PLB1: variants seen among roughly 807,000 people sequenced by gnomAD.
PLB1 encodes phospholipase B1, membrane-associated.
Under a neutral mutation model 227.4 loss-of-function variants are expected in PLB1, and 242 were observed. The ratio of observed to expected loss-of-function variants is 1.06; its 90% CI spans 0.96 to 1.18. PLB1 has a LOEUF of 1.18. Among genes scored for constraint, PLB1 ranks in the 50% most tolerant of loss-of-function variants. PLB1 has a pLI of 0.00. For synonymous variants in PLB1, 757 were observed against 682.2 expected (o/e 1.11, Z -1.71); for missense variants, 1,858 against 1,816.3 (o/e 1.02, Z -0.42).
At chr2:28,522,281 C>CT (rs915085899) in intron 4 of PLB1, among the ~76,000 whole-genome samples, 1 of 152,040 alleles carries the variant, frequency 6.6e-6, no homozygotes, top group African/African-American at 2.4e-5. Flanking sequence ...GAGGTATAGA[C>CT]TGAACCTTAG....
chr2:28,629,970 C>T (rs1335705015), intron 53 of PLB1, among the ~76,000 whole-genome samples: 1 of 152,196 alleles, frequency 6.6e-6, no homozygotes, highest in Non-Finnish European at 1.5e-5. Context: ...CAAAGGTGAC[C>T]AGCTGGTTCC....
chr2:28,519,358 G>A (rs1572708825), intron 3 of PLB1, among the ~76,000 whole-genome samples: 1 of 152,200 alleles, frequency 6.6e-6, no homozygotes, highest in East Asian at 1.9e-4. Context: ...ATTCGTGGTG[G>A]CCCAGAAATG....
intron 17 of PLB1, among the ~76,000 whole-genome samples, chr2:28,555,496 G>A (rs1248681841): frequency 6.6e-6 from 1 of 152,112 alleles, no homozygotes; most frequent in East Asian, 1.9e-4. Context: ...TGATGGGGTA[G>A]GTAAAAAGAC....
intron 25 of PLB1, among the ~76,000 whole-genome samples, chr2:28,585,033 A>G (rs1558833717): frequency 6.6e-6 from 1 of 152,224 alleles, no homozygotes; most frequent in Non-Finnish European, 1.5e-5. Flanking sequence ...GTTAATACCC[A>G]TAAAGTTTTT....
intron 32 of PLB1, 158 bp downstream of exon 32, chr2:28,592,877 C>T (rs900490703): frequency 9.4e-6 from 6 of 639,608 alleles, no homozygotes; most frequent in African/African-American, 5.6e-5. Flanking sequence ...TGATTTGCGG[C>T]CACTTTCTCA....
chr2:28,582,455 G>C lies in PLB1; in HGVS notation c.1683G>C (p.Leu561=). Residue 561 remains leucine (L), a synonymous_variant, in exon 25 of 58, where the codon CTG becomes CTC. Transcript: ENST00000327757. ...NLVTVLEIVN[L]RELYQEKKVY... is the part of the protein sequence containing the mutation. ...TGACGGTGCTTGAGATCGTCAACCT[G>C]AGGGAGCTGTACCAGGAGAAAAAAG... 3 of 1,613,172 alleles carry C rather than the reference G, an allele frequency of 1.9e-6. No homozygotes were observed. The highest frequency in any genetic ancestry group is 2.2e-5 in the South Asian group (2 of 90,716).
intron 42 of PLB1, 57 bp from the exon 43 acceptor site, chr2:28,606,439 T>G: frequency 6.6e-7 from 1 of 1,522,398 alleles, no homozygotes; most frequent in Non-Finnish European, 9.1e-7. Flanking sequence ...CCAGGGAATG[T>G]TCACTTCCAT....
At chr2:28,642,807 A>G in intron 57 of PLB1, 51 bp from the exon 58 acceptor site, 1 of 1,476,666 alleles carries the variant, frequency 6.8e-7, no homozygotes, top group Non-Finnish European at 9.2e-7. Context: ...TGGCTTGGTG[A>G]TGGATGGTTC....
chr2:28,591,049 T>C, intron 29 of PLB1, 84 bp from the exon 30 acceptor site: 1 of 1,558,770 alleles, frequency 6.4e-7, no homozygotes, highest in Non-Finnish European at 8.8e-7. Flanking sequence ...CAGCTGTTTG[T>C]GCCAGGCCGA....
intron 43 of PLB1, among the ~76,000 whole-genome samples, chr2:28,612,165 A>G (rs1685546649): frequency 6.6e-6 from 1 of 152,114 alleles, no homozygotes; most frequent in Non-Finnish European, 1.5e-5. Context: ...AGCAAGAAAG[A>G]AAGGATATCG....
chr2:28,511,108 G>A (rs1668207717), intron 1 of PLB1, among the ~76,000 whole-genome samples: 1 of 152,080 alleles, frequency 6.6e-6, no homozygotes, highest in African/African-American at 2.4e-5. Flanking sequence ...TTTACCACTT[G>A]ATAAGGGGAA....
chr2:28,547,969 T>C (rs1673560200), intron 14 of PLB1, among the ~76,000 whole-genome samples: 1 of 152,250 alleles, frequency 6.6e-6, no homozygotes, highest in Non-Finnish European at 1.5e-5. Flanking sequence ...ATAAATGTTT[T>C]ATCTACGTTA....
intron 49 of PLB1, among the ~76,000 whole-genome samples, chr2:28,622,053 G>T (rs6704973): frequency 0.49 from 74,395 of 152,080 alleles, 19,568 homozygotes; most frequent in East Asian, 0.89. Context: ...TGAGAACATG[G>T]GGCTCCTTGT....
intron 57 of PLB1, among the ~76,000 whole-genome samples, chr2:28,641,482 C>T (rs1689970650): frequency 6.6e-6 from 1 of 152,158 alleles, no homozygotes; most frequent in Admixed American, 6.5e-5. Flanking sequence ...GTGGCGGGCG[C>T]CTGTCATCCC....
rs562448528 is a variant in PLB1 at position 28,607,312 on chromosome 2, G to A, written c.3129+745G>A. Among the ~76,000 whole-genome samples, 9 of 152,204 alleles carry A rather than the reference G, an allele frequency of 5.9e-5. No individual in the cohort carries two copies. The East Asian group carries it at 1.5e-3, about 26-fold the overall frequency. On this transcript the variant is annotated intron_variant, in intron 43 of 57. Transcript: ENST00000327757. Reference sequence around the variant, plus strand: ...GGAGGCTGGGTTTCCCTCCTAGGTCGGCCACACCACCCTCTCCCACCCTCC... The same window carrying A: ...GGAGGCTGGGTTTCCCTCCTAGGTCAGCCACACCACCCTCTCCCACCCTCC...
rs772258642 is a variant in PLB1, at chr2:28,539,092, C to T, written c.619-7C>T. 2 of 1,610,480 alleles carry T rather than the reference C, an allele frequency of 1.2e-6. No homozygotes were observed. Among genetic ancestry groups the T allele is most frequent in the Admixed American group, 3.3e-5 (2 of 60,028 alleles). Reference sequence around the variant, plus strand: ...ATACTCACCTCCCTCTCTGTGTGTCCTCCTAGGTCCCCAGAGCATTTGTAA... The same window carrying T: ...ATACTCACCTCCCTCTCTGTGTGTCTTCCTAGGTCCCCAGAGCATTTGTAA... On this transcript the variant is annotated splice_polypyrimidine_tract_variant and splice_region_variant and intron_variant, in intron 10 of 57. Coordinates refer to ENST00000327757, the MANE Select transcript of PLB1 (RefSeq NM_153021.5).
intron 40 of PLB1, 103 bp downstream of exon 40, chr2:28,604,150 C>T (rs1684317433): frequency 3.4e-6 from 4 of 1,173,442 alleles, no homozygotes; most frequent in Admixed American, 3.8e-5. Flanking sequence ...AAAAGCTGGT[C>T]AGGGATTGTG....
At chr2:28,563,467 C>T (rs1676366848) in intron 18 of PLB1, among the ~76,000 whole-genome samples, 1 of 148,496 alleles carries the variant, frequency 6.7e-6, no homozygotes, top group Admixed American at 6.7e-5. Flanking sequence ...AGAACTCCTC[C>T]AAGGATCCAG....
chr2:28,558,577 A>G (rs1391195408), intron 17 of PLB1, among the ~76,000 whole-genome samples: 2 of 152,086 alleles, frequency 1.3e-5, no homozygotes, highest in Non-Finnish European at 2.9e-5. Flanking sequence ...GTGATTTGCT[A>G]TTGTTCTTCT....
Sources: allele counts gnomAD v4.1 joint callset (sites outside exome capture counted in the v4.1 genomes callset), GRCh38; gene constraint gnomAD v4.1.1; transcripts MANE v1.5; gene names NCBI Gene and HGNC (gene_info 2026-07-23, HGNC 2026-07-21).